IPO11: variants seen among roughly 807,000 people sequenced by gnomAD.
IPO11 encodes importin 11.
IPO11 carries 66 observed loss-of-function variants against 143.2 expected under a neutral mutation model. That is an observed-to-expected ratio of 0.46 (90% CI 0.38 to 0.57). IPO11 has a LOEUF of 0.57. IPO11 is among the 20% of genes least tolerant of loss of function. The probability of loss-of-function intolerance (pLI) is 0.00; values close to 1 mark genes in which losing one functional copy is unlikely to be tolerated. For synonymous variants in IPO11, 385 were observed against 377.8 expected, an observed-to-expected ratio of 1.02 and a Z score of -0.22; for missense variants, 1,026 against 1,141.0, an observed-to-expected ratio of 0.90 and a Z score of 1.45.
intron 27 of IPO11, among the ~76,000 whole-genome samples, chr5:62,570,549 A>C (rs75313716): frequency 3.3e-4 from 50 of 152,320 alleles, no homozygotes; most frequent in Non-Finnish European, 5.4e-4. Context: ...CATGCTGTGC[A>C]CTGAGGGCAC....
In IPO11 at chr5:62,519,818, G is replaced by A. The variant is rs556782486; in HGVS notation, c.1896+4317G>A. On this transcript the variant is annotated intron_variant, in intron 20 of 29. Coordinates refer to ENST00000325324, the MANE Select transcript of IPO11 (RefSeq NM_016338.5). ...CTGCCAGAATAAATTCTTCGCTGGA[G>A]GCTTTGGGGAAGAATCTGTTTCCGT... Among the ~76,000 whole-genome samples the A allele has an allele frequency of 6.7e-4, 102 of 152,316 alleles. 1 individual carries two copies. In the Middle Eastern group the frequency reaches 0.017, roughly 25 times the overall value.
chr5:62,607,786 A>G (rs1419026287), intron 29 of IPO11, among the ~76,000 whole-genome samples: 3 of 150,750 alleles, frequency 2.0e-5, no homozygotes, highest in Admixed American at 6.6e-5. Context: ...CACTTCTAGT[A>G]TCATGCCACA....
chr5:62,443,481 C>G (rs2112145785), intron 3 of IPO11, among the ~76,000 whole-genome samples: 1 of 150,832 alleles, frequency 6.6e-6, no homozygotes, highest in South Asian at 2.1e-4. Flanking sequence ...CTGAGTCAGT[C>G]ATGTTGAACA....
At chr5:62,569,943 C>G (rs1744079988) in intron 27 of IPO11, among the ~76,000 whole-genome samples, 1 of 152,024 alleles carries the variant, frequency 6.6e-6, no homozygotes, top group East Asian at 1.9e-4. Flanking sequence ...GGGAAAAAAC[C>G]CTTTGATGCA....
At chr5:62,577,644 T>C (rs766147848) in intron 27 of IPO11, among the ~76,000 whole-genome samples, 41 of 152,122 alleles carry the variant, frequency 2.7e-4, no homozygotes, top group Non-Finnish European at 5.0e-4. Context: ...GCAATAACAG[T>C]AACCAGCCAT....
chr5:62,562,730 A>G (rs955043192), intron 27 of IPO11, among the ~76,000 whole-genome samples: 7 of 152,220 alleles, frequency 4.6e-5, no homozygotes, highest in Non-Finnish European at 2.9e-5. Context: ...ACTTAAGTCC[A>G]GTTTTAGAAG....
intron 27 of IPO11, among the ~76,000 whole-genome samples, chr5:62,589,882 C>T (rs1336734056): frequency 1.3e-5 from 2 of 152,058 alleles, no homozygotes; most frequent in African/African-American, 2.4e-5. Flanking sequence ...GGTAGGCTGA[C>T]GGGAGTCCTG....
Position 62,494,014 on chromosome 5 carries a change from C to T in IPO11, c.1480C>T (p.Arg494Cys). ...VIHNRYKPLR[R>C]RVIWLIGQWI... ...CCTGTTTAGGTATAAGCCATTGCGA[C>T]GCAGGGTGATTTGGCTCATCGGTCA... The change falls in exon 16 of 30, where the codon CGC (arginine) becomes TGC (cysteine). Residue 494 changes from arginine (R) to cysteine (C), a missense_variant. This residue lies in a region of IPO11 where 237 missense variants were observed against 288.0 expected (regional missense o/e 0.82). Transcript: ENST00000325324. 3 of 1,612,162 alleles carry T rather than the reference C, an allele frequency of 1.9e-6. No individual in the cohort carries two copies. The highest frequency in any genetic ancestry group is 2.2e-5 in the East Asian group (1 of 44,804).
intron 29 of IPO11, among the ~76,000 whole-genome samples, chr5:62,610,983 C>T (rs144855438): frequency 2.6e-5 from 4 of 152,288 alleles, no homozygotes; most frequent in African/African-American, 9.6e-5. Flanking sequence ...ATGCTTTGCT[C>T]ACATTCTACC....
chr5:62,519,581 A>G (rs568580068), intron 20 of IPO11, among the ~76,000 whole-genome samples: 1 of 152,208 alleles, frequency 6.6e-6, no homozygotes, highest in East Asian at 1.9e-4. Flanking sequence ...CTATATCATT[A>G]TGTCATGATT....
rs1379119351 is a variant in IPO11, at chr5:62,412,779, A to T, written c.-157A>T. The T allele has an allele frequency of 6.5e-6, 1 of 152,682 alleles. No homozygotes were observed. The highest frequency in any genetic ancestry group is 1.5e-5 in the Non-Finnish European group (1 of 68,066). 9.5% of individuals were successfully genotyped at this position (152,682 alleles called of 1,614,324 possible). ...CGCGTCCGCGTCGTTTGGAGCTGCG[A>T]CGCCAAACATGGCGTGTTCCTAGAA... is the stretch of plus-strand genomic sequence containing the variant. On this transcript the variant is annotated 5_prime_UTR_variant, in exon 1 of 30. Transcript: ENST00000325324.
At chr5:62,475,047 C>CTA (rs1745905448) in intron 8 of IPO11, among the ~76,000 whole-genome samples, 1 of 152,032 alleles carries the variant, frequency 6.6e-6, no homozygotes, top group Non-Finnish European at 1.5e-5. Flanking sequence ...GCACCTGATA[C>CTA]TGAGGAAAGC....
intron 9 of IPO11, among the ~76,000 whole-genome samples, chr5:62,479,731 GTCT>G (rs1264159790): frequency 1.3e-5 from 2 of 152,170 alleles, no homozygotes; most frequent in African/African-American, 2.4e-5. Context: ...CTGCATAAAT[GTCT>G]TCTTTTGAGA....
intron 21 of IPO11, among the ~76,000 whole-genome samples, chr5:62,529,619 C>T (rs181999865): frequency 6.6e-6 from 1 of 152,146 alleles, no homozygotes; most frequent in African/African-American, 2.4e-5. Flanking sequence ...ATATAACAAT[C>T]TATTCTTTGT....
Position 62,506,344 on chromosome 5 carries a change from G to T in IPO11, c.1769G>T (p.Arg590Ile). 1 of 1,579,162 alleles carries T rather than the reference G, an allele frequency of 6.3e-7. No homozygotes were observed. The highest frequency in any genetic ancestry group is 8.7e-7 in the Non-Finnish European group (1 of 1,150,650). ...CATGTCCTTTCTTGTGTGATCGAAAGAGTCAACATGCAGGTAATTATATTG... is the reference window on the plus strand; with the variant it reads ...CATGTCCTTTCTTGTGTGATCGAAATAGTCAACATGCAGGTAATTATATTG... ...VLHVLSCVIE[R>I]VNMQIRPYVG... Residue 590 changes from arginine to isoleucine, a missense_variant, in exon 19 of 30, where the codon AGA (arginine) becomes ATA (isoleucine). Arg to Ile is a moderately conservative substitution (Grantham distance 97). This residue lies in a region of IPO11 where 237 missense variants were observed against 288.0 expected (regional missense o/e 0.82). Transcript: ENST00000325324.
At chr5:62,500,943 G>A (rs927146337) in intron 16 of IPO11, among the ~76,000 whole-genome samples, 5 of 152,138 alleles carry the variant, frequency 3.3e-5, no homozygotes. Flanking sequence ...ATAATCTTAT[G>A]AGACTACGTT....
chr5:62,469,199 G>C (rs1184254793), intron 6 of IPO11, among the ~76,000 whole-genome samples: 2 of 152,164 alleles, frequency 1.3e-5, no homozygotes, highest in Non-Finnish European at 2.9e-5. Context: ...TCAAGGTCTT[G>C]TGGTGAGAAA....
At chr5:62,522,422 C>T (rs893593041) in intron 20 of IPO11, among the ~76,000 whole-genome samples, 33 of 151,990 alleles carry the variant, frequency 2.2e-4, no homozygotes, top group Non-Finnish European at 1.8e-4. Flanking sequence ...GTAGCTGGGA[C>T]TACAGGCATG....
At chr5:62,503,551 T>C (rs1399024738) in intron 16 of IPO11, among the ~76,000 whole-genome samples, 1 of 152,076 alleles carries the variant, frequency 6.6e-6, no homozygotes, top group Non-Finnish European at 1.5e-5. Context: ...CCGATGATAG[T>C]TCCTCATTGA....
Sources: gnomAD v4.1 joint callset for allele counts (sites outside exome capture counted in the v4.1 genomes callset) on GRCh38, gnomAD v4.1.1 for gene constraint, gnomAD v4.1.1 regional missense constraint, MANE v1.5 for transcripts, NCBI Gene and HGNC (gene_info 2026-07-23, HGNC 2026-07-21) for gene names.